The following ARSH variants were observed in gnomAD, a reference collection of about 807,000 sequenced individuals.
ARSH encodes arylsulfatase H.
In ARSH, 32 loss-of-function variants were observed where a neutral mutation model predicts 28.7. That is an observed-to-expected ratio of 1.11 (90% CI 0.84 to 1.50). ARSH has a LOEUF of 1.50. Ranked by LOEUF, ARSH falls within the 40% of genes most tolerant of loss-of-function variation. The pLI is 0.00. For missense variants in ARSH, 440 were observed against 452.4 expected (o/e 0.97, Z 0.25); for synonymous variants, 176 against 177.3 (o/e 0.99, Z 0.06).
At position 3,029,344 on chromosome X, in the gene ARSH, A is replaced by T; in HGVS notation, c.1297A>T (p.Thr433Ser). The stretch of plus-strand genomic sequence containing the variant: ...CCACTACTGTGGGGTCTATCTGCAC[A>T]CGGTCAGGTGGCATCAGAAGGACTG... Reference protein sequence around the residue: ...LFHYCGVYLHTVRWHQKDCAT... With the variant: ...LFHYCGVYLHSVRWHQKDCAT... The change falls in exon 8 of 9, where the codon ACG becomes TCG. Residue 433 changes from threonine to serine, a missense_variant. By Grantham distance (58) the Thr-to-Ser change is moderately conservative. Transcript: ENST00000381130. 8.3e-7 allele frequency: 1 copy of T among 1,210,470 alleles called. No individual in the cohort carries two copies. The highest frequency in any genetic ancestry group is 1.1e-6 in the Non-Finnish European group (1 of 894,984).
Position 3,024,140 on chromosome X carries a change from A to G in ARSH, c.1021A>G (p.Asn341Asp). 1 of 1,195,960 alleles carries G rather than the reference A, an allele frequency of 8.4e-7. No individual in the cohort carries two copies. Among genetic ancestry groups the G allele is most frequent in the South Asian group, 1.8e-5 (1 of 54,260 alleles). Residue 341 changes from asparagine to aspartate, a missense_variant, in exon 6 of 9, where the codon AAC becomes GAC. Transcript: ENST00000381130. Reference sequence around the variant, plus strand: ...CGGGGCTGTTCAGCTGGGTGGCTGGAACGGGATCTACAAAGGTGATTGTGT... The same window carrying G: ...CGGGGCTGTTCAGCTGGGTGGCTGGGACGGGATCTACAAAGGTGATTGTGT... ...LDGAVQLGGW[N>D]GIYKGGKGMG...
chrX:3,024,231 C>A, intron 6 of ARSH, 76 bp downstream of exon 6: 5 of 963,660 alleles, frequency 5.2e-6, no homozygotes, highest in Non-Finnish European at 5.5e-6. Flanking sequence ...TGCTTGAATT[C>A]ATTTGCCATG....
chrX:3,014,568 G>A (rs942647098), intron 3 of ARSH, among the ~76,000 whole-genome samples: 1 of 111,389 alleles, frequency 9.0e-6, no homozygotes, highest in Non-Finnish European at 1.9e-5. Flanking sequence ...GCATGAATGT[G>A]CAAGGTGCAC....
Position 3,010,067 on chromosome X carries a change from A to G in ARSH, c.130A>G (p.Arg44Gly), listed in dbSNP as rs140568041. Residue 44 changes from arginine (R) to glycine (G), a missense_variant, in exon 2 of 9, where the codon AGG becomes GGG. Physicochemically the swap from Arg to Gly is moderately radical, Grantham distance 125 (BLOSUM62 -2). Transcript: ENST00000381130. Reference protein sequence around the residue: ...NIDRLASEGVRLTQHLAAASM... With the variant: ...NIDRLASEGVGLTQHLAAASM... ...TGACCGCCTGGCAAGTGAAGGAGTG[A>G]GGCTTACCCAGCATCTCGCAGCTGC... 4.3e-3 allele frequency: 5,172 copies of G among 1,209,425 alleles called. 11 individuals are homozygous for G. Among genetic ancestry groups the G allele is most frequent in the Non-Finnish European group, 5.2e-3 (4,682 of 894,900 alleles).
chrX:3,006,681 C>G lies in ARSH; in HGVS notation c.69C>G (p.Cys23Trp), dbSNP rs745367769. 3.3e-6 allele frequency: 4 copies of G among 1,209,849 alleles called. No homozygotes were observed. The highest frequency in any genetic ancestry group is 4.5e-6 in the Non-Finnish European group (4 of 894,113). The change falls in exon 1 of 9, where the codon TGC (cysteine) becomes TGG (tryptophan). Residue 23 changes from cysteine (C) to tryptophan (W), a missense_variant. Transcript: ENST00000381130. ...MADDLGVGDL[C>W]CYGNNSVSTP... ...ATGACCTTGGAGTGGGGGATTTGTGCTGCTACGGTAATAACTCAGTGAGGT... is the reference window on the plus strand; with the variant it reads ...ATGACCTTGGAGTGGGGGATTTGTGGTGCTACGGTAATAACTCAGTGAGGT...
intron 8 of ARSH, among the ~76,000 whole-genome samples, chrX:3,032,401 AAAGGAAGGAAGGAAAGG>A (rs1183352183): frequency 2.1e-4 from 17 of 81,849 alleles, no homozygotes; most frequent in Admixed American, 1.8e-3. Flanking sequence ...GGGAGGAAGG[AAAGGAAGGAAGGAAAGG>A]AAGGAAGGAA....
chrX:3,031,805 G>A (rs1286773408), intron 8 of ARSH, among the ~76,000 whole-genome samples: 1 of 110,863 alleles, frequency 9.0e-6, no homozygotes, highest in Non-Finnish European at 1.9e-5. Flanking sequence ...CAGAAGTTGG[G>A]AGCATGGGGC....
Position 3,011,311 on chromosome X carries a change from C to G in ARSH, c.214+1160C>G, listed in dbSNP as rs367579276. Among the ~76,000 whole-genome samples, 52 of 97,592 alleles carry G rather than the reference C, an allele frequency of 5.3e-4. 3 individuals are homozygous for G. In the South Asian group the frequency reaches 0.02, roughly 37 times the overall value. The allele number at this position is 97,592 out of a possible 115,157, so 84.7% of individuals were successfully genotyped here. A position where few individuals can be genotyped will look rare whatever the true frequency, so the allele number is the denominator to read the frequency against. On this transcript the variant is annotated intron_variant, in intron 2 of 8. Coordinates refer to ENST00000381130, the MANE Select transcript of ARSH (RefSeq NM_001011719.2). Reference sequence around the variant, plus strand: ...GTCATCCAGGCTGGAGTGCAAGGGTCTGATCTCAGCTCACTGCAATCTCTG... The same window carrying G: ...GTCATCCAGGCTGGAGTGCAAGGGTGTGATCTCAGCTCACTGCAATCTCTG...
At chrX:3,019,531 AC>A (rs774104702) in intron 5 of ARSH, among the ~76,000 whole-genome samples, 5 of 109,567 alleles carry the variant, frequency 4.6e-5, no homozygotes, top group Admixed American at 2.9e-4. Flanking sequence ...GCATTTGCCC[AC>A]CCCCGCCTCT....
At chrX:3,010,658 T>C (rs2089844331) in intron 2 of ARSH, among the ~76,000 whole-genome samples, 1 of 112,372 alleles carries the variant, frequency 8.9e-6, no homozygotes, top group South Asian at 3.7e-4. Context: ...GACAATTAAA[T>C]GTGTTCCTTT....
intron 2 of ARSH, among the ~76,000 whole-genome samples, 157 bp from the exon 3 acceptor site, chrX:3,012,890 A>C (rs1223379998): frequency 9.1e-6 from 1 of 109,848 alleles, no homozygotes. Context: ...TAGCAAGTGA[A>C]AAAAGGAGGG....
intron 2 of ARSH, among the ~76,000 whole-genome samples, chrX:3,012,584 TA>T (rs1745396433): frequency 7.3e-5 from 1 of 13,612 alleles, no homozygotes; most frequent in African/African-American, 2.7e-4. Flanking sequence ...TATATATATA[TA>T]TATATATATA....
intron 5 of ARSH, 63 bp downstream of exon 5, chrX:3,018,733 A>G: frequency 8.9e-7 from 1 of 1,128,923 alleles, no homozygotes; most frequent in Non-Finnish European, 1.2e-6. Flanking sequence ...ACAAATCTGT[A>G]CTAACTGTCT....
rs769762002 is a variant in ARSH, at chrX:3,024,156, G to C, written c.1036+1G>C. ...GGTGGCTGGAACGGGATCTACAAAG[G>C]TGATTGTGTGTAGAGAACCAACGCC... On this transcript the variant is annotated splice_donor_variant, in intron 6 of 8. Coordinates refer to ENST00000381130, the MANE Select transcript of ARSH (RefSeq NM_001011719.2). LOFTEE classifies it high-confidence loss of function. The C allele has an allele frequency of 1.7e-6, 2 of 1,176,813 alleles. No homozygotes were observed. Among genetic ancestry groups the C allele is most frequent in the South Asian group, 3.9e-5 (2 of 51,255 alleles).
intron 4 of ARSH, 65 bp from the exon 5 acceptor site, chrX:3,018,469 G>C (rs2089871883): frequency 9.0e-7 from 1 of 1,113,942 alleles, no homozygotes; most frequent in African/African-American, 1.8e-5. Flanking sequence ...GTGCAGAATC[G>C]CATTTAAATG....
chrX:3,031,740 C>G (rs1046250002), intron 8 of ARSH, among the ~76,000 whole-genome samples: 17 of 111,971 alleles, frequency 1.5e-4, no homozygotes, highest in Admixed American at 2.9e-4. Context: ...CCAAATTTAA[C>G]TATAGAGGAT....
At chrX:3,012,777 A>T (rs1360296885) in intron 2 of ARSH, among the ~76,000 whole-genome samples, 1 of 105,618 alleles carries the variant, frequency 9.5e-6, no homozygotes, top group Admixed American at 1.1e-4. Context: ...TCTATATGAA[A>T]AACTAACGAA....
At chrX:3,032,145 A>C (rs1394235082) in intron 8 of ARSH, among the ~76,000 whole-genome samples, 1 of 110,125 alleles carries the variant, frequency 9.1e-6, no homozygotes, top group African/African-American at 3.3e-5. Flanking sequence ...GCAGCCAGGC[A>C]TGGTGGCACA....
At chrX:3,013,241 T>C in intron 3 of ARSH, 69 bp downstream of exon 3, 1 of 1,125,046 alleles carries the variant, frequency 8.9e-7, no homozygotes, top group Non-Finnish European at 1.2e-6. Context: ...TCTAAGGTGT[T>C]TCCGGGGATG....
Sources: gnomAD v4.1 joint callset for allele counts (sites outside exome capture counted in the v4.1 genomes callset) on GRCh38, gnomAD v4.1.1 for gene constraint, MANE v1.5 for transcripts, NCBI Gene and HGNC (gene_info 2026-07-23, HGNC 2026-07-21) for gene names.